Variants in PLA2G4A observed in about 807,000 individuals in gnomAD.
The protein encoded by PLA2G4A is phospholipase A2 group IVA.
A neutral mutation model predicts 81.9 loss-of-function variants in PLA2G4A; 40 were observed. The observed-to-expected ratio is 0.49, with a 90% CI of 0.38 to 0.64. The LOEUF (loss-of-function observed/expected upper bound fraction) is 0.64. PLA2G4A is among the 30% of genes least tolerant of loss of function. The pLI is 0.00. For missense variants in PLA2G4A, 715 were observed against 905.1 expected, an observed-to-expected ratio of 0.79 and a Z score of 2.69; for synonymous variants, 302 against 296.9, an observed-to-expected ratio of 1.02 and a Z score of -0.18.
chr1:186,830,915 CCTT>C (rs1298759071), intron 1 of PLA2G4A, among the ~76,000 whole-genome samples: 1 of 151,776 alleles, frequency 6.6e-6, no homozygotes, highest in African/African-American at 2.4e-5. Context: ...GTTTTTTCCT[CCTT>C]CTTGCTCCAG....
At chr1:186,980,104 C>T (rs936415545) in intron 17 of PLA2G4A, among the ~76,000 whole-genome samples, 1 of 151,968 alleles carries the variant, frequency 6.6e-6, no homozygotes, top group Non-Finnish European at 1.5e-5. Context: ...CCTGCCACCA[C>T]GCCCGGCTAA....
At position 186,988,913 on chromosome 1, in the gene PLA2G4A, A is replaced by T; in HGVS notation, c.*405A>T. The T allele has an allele frequency of 6.0e-6, 1 of 165,524 alleles. No homozygotes were observed. The highest frequency in any genetic ancestry group is 1.3e-5 in the Non-Finnish European group (1 of 75,304). The allele number at this position is 165,524 out of a possible 1,614,324, so 10.3% of individuals were successfully genotyped here. ...TGACTAGATTTATTCATACCATGAG[A>T]CAACACTATTTTTATTTATATATGC... On this transcript the variant is annotated 3_prime_UTR_variant, in exon 18 of 18. Coordinates refer to ENST00000367466, the MANE Select transcript of PLA2G4A (RefSeq NM_024420.3).
At chr1:186,976,989 C>T (rs776926839) in intron 15 of PLA2G4A, among the ~76,000 whole-genome samples, 3 of 152,156 alleles carry the variant, frequency 2.0e-5, no homozygotes, top group Non-Finnish European at 2.9e-5. Flanking sequence ...CAATTTGCCA[C>T]GACCATTAAC....
intron 3 of PLA2G4A, among the ~76,000 whole-genome samples, chr1:186,882,762 T>C (rs1653783137): frequency 6.6e-6 from 1 of 152,094 alleles, no homozygotes; most frequent in South Asian, 2.1e-4. Flanking sequence ...ATGCTAATAG[T>C]CTATGTGAGA....
chr1:186,933,902 T>C (rs1655839632), intron 8 of PLA2G4A, among the ~76,000 whole-genome samples: 1 of 152,182 alleles, frequency 6.6e-6, no homozygotes, highest in Admixed American at 6.5e-5. Context: ...CTGGGACATC[T>C]ATATATTTTA....
intron 17 of PLA2G4A, among the ~76,000 whole-genome samples, chr1:186,986,415 G>A (rs2102309136): frequency 6.6e-6 from 1 of 152,278 alleles, no homozygotes; most frequent in East Asian, 1.9e-4. Flanking sequence ...GGATTTCTGT[G>A]AGAAGGAGAA....
chr1:186,889,600 G>T (rs538151052), intron 3 of PLA2G4A, among the ~76,000 whole-genome samples: 1 of 152,236 alleles, frequency 6.6e-6, no homozygotes, highest in South Asian at 2.1e-4. Context: ...AAAGAACTAG[G>T]AGCAATACTG....
intron 2 of PLA2G4A, among the ~76,000 whole-genome samples, chr1:186,863,976 G>A (rs1250131231): frequency 3.3e-5 from 5 of 151,908 alleles, no homozygotes; most frequent in Admixed American, 6.6e-5. Flanking sequence ...TGGCCGGGCT[G>A]GTCTTGAACT....
intron 14 of PLA2G4A, among the ~76,000 whole-genome samples, chr1:186,963,476 C>T (rs1412035543): frequency 6.6e-6 from 1 of 152,184 alleles, no homozygotes; most frequent in Non-Finnish European, 1.5e-5. Flanking sequence ...CGTCTCTCTC[C>T]TTATTGCCCT....
At chr1:186,890,965 T>C (rs1654116162) in intron 3 of PLA2G4A, among the ~76,000 whole-genome samples, 1 of 152,114 alleles carries the variant, frequency 6.6e-6, no homozygotes, top group Non-Finnish European at 1.5e-5. Context: ...TGCCACCCCT[T>C]AAAGTTGTTC....
chr1:186,881,660 CAA>C (rs1460820130), intron 3 of PLA2G4A, among the ~76,000 whole-genome samples: 1 of 151,934 alleles, frequency 6.6e-6, no homozygotes, highest in Non-Finnish European at 1.5e-5. Context: ...TTAATACTTA[CAA>C]ATAAAGGTTA....
intron 7 of PLA2G4A, among the ~76,000 whole-genome samples, chr1:186,922,227 C>T (rs1328552001): frequency 6.6e-6 from 1 of 152,076 alleles, no homozygotes; most frequent in African/African-American, 2.4e-5. Flanking sequence ...TACACCAAAC[C>T]AGAATCAAAA....
At chr1:186,896,385 G>A (rs2102120833) in intron 5 of PLA2G4A, among the ~76,000 whole-genome samples, 1 of 152,286 alleles carries the variant, frequency 6.6e-6, no homozygotes, top group Middle Eastern at 3.4e-3. Context: ...AAGCAAGCTG[G>A]GGCATAGCAA....
At chr1:186,851,920 G>A (rs1215105009) in intron 1 of PLA2G4A, among the ~76,000 whole-genome samples, 5 of 151,880 alleles carry the variant, frequency 3.3e-5, no homozygotes, top group African/African-American at 1.2e-4. Context: ...AACTCATATC[G>A]ATATTGATTA....
Position 186,937,826 on chromosome 1 carries a change from A to G in PLA2G4A, c.696-1182A>G, listed in dbSNP as rs534495391. 6.0e-4 allele frequency among the ~76,000 whole-genome samples: 91 copies of G among 152,006 alleles called. 1 individual carries two copies. Among genetic ancestry groups the G allele is most frequent in the Non-Finnish European group, 1.2e-3 (80 of 67,914 alleles). Reference sequence around the variant, plus strand: ...ATGAGCATGTTATTTAAATTTCCCAATGCTCTTTTTCTTGATAATTAAAAT... The same window carrying G: ...ATGAGCATGTTATTTAAATTTCCCAGTGCTCTTTTTCTTGATAATTAAAAT... On this transcript the variant is annotated intron_variant, in intron 8 of 17. Coordinates refer to ENST00000367466, the MANE Select transcript of PLA2G4A (RefSeq NM_024420.3).
chr1:186,901,179 G>A (rs771594207), intron 5 of PLA2G4A, among the ~76,000 whole-genome samples: 12 of 152,144 alleles, frequency 7.9e-5, no homozygotes, highest in African/African-American at 2.4e-4. Flanking sequence ...GAGACCTTTC[G>A]CTAAGATGTT....
intron 2 of PLA2G4A, among the ~76,000 whole-genome samples, chr1:186,858,892 G>GA (rs200494559): frequency 0.016 from 2,427 of 151,038 alleles, 72 homozygotes; most frequent in African/African-American, 0.057. Context: ...TGTGTATATG[G>GA]AAAAAAAACC....
chr1:186,958,530 G>A (rs944576387), intron 14 of PLA2G4A, among the ~76,000 whole-genome samples: 1 of 152,130 alleles, frequency 6.6e-6, no homozygotes. Flanking sequence ...TCTATAGAAA[G>A]CGAAGATCAA....
chr1:186,900,768 T>G (rs557181588), intron 5 of PLA2G4A, among the ~76,000 whole-genome samples: 14 of 152,262 alleles, frequency 9.2e-5, no homozygotes, highest in African/African-American at 3.1e-4. Context: ...CTGGATGAAA[T>G]TAGTTTGTTT....
Sources: gnomAD v4.1 joint callset for allele counts (sites outside exome capture counted in the v4.1 genomes callset) on GRCh38, gnomAD v4.1.1 for gene constraint, MANE v1.5 for transcripts, NCBI Gene and HGNC (gene_info 2026-07-23, HGNC 2026-07-21) for gene names.